The following DOT1L variants were observed in gnomAD, a reference collection of about 807,000 sequenced individuals.
The protein encoded by DOT1L is DOT1 like histone lysine methyltransferase.
DOT1L carries 33 observed loss-of-function variants against 153.3 expected under a neutral mutation model. The ratio of observed to expected loss-of-function variants is 0.22; its 90% CI spans 0.16 to 0.29. The LOEUF is 0.29. DOT1L is among the 10% of genes least tolerant of loss of function. The pLI, the probability that DOT1L is intolerant of heterozygous loss-of-function variation, is 1.00. For missense variants in DOT1L, 1,847 were observed against 2,119.9 expected (o/e 0.87, Z 2.53); for synonymous variants, 1,135 against 965.1 (o/e 1.18, Z -3.26).
intron 7 of DOT1L, among the ~76,000 whole-genome samples, chr19:2,199,060 C>T (rs780561489): frequency 6.6e-6 from 1 of 152,208 alleles, no homozygotes; most frequent in Non-Finnish European, 1.5e-5. Context: ...GTTTTTATTT[C>T]TCCTGGGAAT....
chr19:2,227,747 C>T (rs985568826), intron 27 of DOT1L: 18 of 1,317,494 alleles, frequency 1.4e-5, no homozygotes, highest in Admixed American at 1.1e-4. Flanking sequence ...GTGTCTTTAA[C>T]CACGCGGTGC....
At chr19:2,192,924 C>T (rs1176215003) in intron 5 of DOT1L, among the ~76,000 whole-genome samples, 1 of 152,128 alleles carries the variant, frequency 6.6e-6, no homozygotes, top group Admixed American at 6.5e-5. Context: ...GGGCCCTGGC[C>T]CCCCGTCCCT....
At chr19:2,180,347 G>A (rs1044071497) in intron 1 of DOT1L, among the ~76,000 whole-genome samples, 1 of 152,212 alleles carries the variant, frequency 6.6e-6, no homozygotes, top group East Asian at 1.9e-4. Flanking sequence ...GCTGTGTTGA[G>A]GGATCAACTG....
intron 1 of DOT1L, among the ~76,000 whole-genome samples, chr19:2,176,525 C>G (rs1158826253): frequency 2.0e-5 from 3 of 152,210 alleles, no homozygotes; most frequent in Admixed American, 2.0e-4. Flanking sequence ...GGGCAGGTGA[C>G]ACCGCTGTCA....
At position 2,207,181 on chromosome 19, in the gene DOT1L, C is replaced by CT. The variant is rs2023531732; in HGVS notation, c.856+385dup. Among the ~76,000 whole-genome samples, 1 of 152,246 alleles carries CT rather than the reference C, an allele frequency of 6.6e-6. No homozygotes were observed. The highest frequency in any genetic ancestry group is 2.1e-4 in the South Asian group (1 of 4,836). ...TGCCTGCCTTACTGTGCTGCGTGCTCTGTCAGCTCCCAGCCTTGCGGGGCA... is the reference window on the plus strand; with the variant it reads ...TGCCTGCCTTACTGTGCTGCGTGCTCTTGTCAGCTCCCAGCCTTGCGGGGCA... On this transcript the variant is annotated intron_variant, in intron 10 of 27. Coordinates refer to ENST00000398665, the MANE Select transcript of DOT1L (RefSeq NM_032482.3). The surrounding 1 kb of genome is among the most constrained non-coding windows in gnomAD (Gnocchi z 4.5).
At chr19:2,218,292 C>T (rs768440997) in intron 22 of DOT1L, among the ~76,000 whole-genome samples, 2 of 152,326 alleles carry the variant, frequency 1.3e-5, no homozygotes, top group South Asian at 2.1e-4. Context: ...CAGAGAATCT[C>T]GTCTTGTGTA....
At chr19:2,179,487 A>T (rs933758757) in intron 1 of DOT1L, among the ~76,000 whole-genome samples, 23 of 151,808 alleles carry the variant, frequency 1.5e-4, no homozygotes, top group Non-Finnish European at 2.7e-4. Flanking sequence ...TTGGGGATTT[A>T]AAAAAAAATT....
rs2022421231 is a variant in DOT1L at position 2,184,932 on chromosome 19, C to T, written c.126-923C>T. 7.9e-5 allele frequency among the ~76,000 whole-genome samples: 12 copies of T among 152,166 alleles called. 1 individual carries two copies. The highest frequency in any genetic ancestry group is 7.2e-4 in the Admixed American group (11 of 15,282). ...GGGATGTTGGTCAGCTGTTGCCTTTCTTGTCCTTTCTTTCCAGCCCTTTGC... is the reference window on the plus strand; with the variant it reads ...GGGATGTTGGTCAGCTGTTGCCTTTTTTGTCCTTTCTTTCCAGCCCTTTGC... On this transcript the variant is annotated intron_variant, in intron 2 of 27. Coordinates refer to ENST00000398665, the MANE Select transcript of DOT1L (RefSeq NM_032482.3).
intron 6 of DOT1L, 36 bp from the exon 7 acceptor site, chr19:2,194,479 G>A (rs2022932808): frequency 6.2e-7 from 1 of 1,613,558 alleles, no homozygotes; most frequent in Non-Finnish European, 8.5e-7. Context: ...CTTGCCCTGA[G>A]AGTTTGTAAC....
At chr19:2,221,898 A>AG in intron 23 of DOT1L, 78 bp from the exon 24 acceptor site, 1 of 1,395,590 alleles carries the variant, frequency 7.2e-7, no homozygotes, top group Non-Finnish European at 9.6e-7. Context: ...CAGAGCTCCT[A>AG]GGGGGTGGTG....
At chr19:2,227,629 G>A (rs1353221964) in intron 27 of DOT1L, 22 of 1,189,938 alleles carry the variant, frequency 1.8e-5, no homozygotes, top group Non-Finnish European at 2.3e-5. Context: ...GCCCGCACAC[G>A]CCTGGCGGCG....
In DOT1L at chr19:2,230,233, C is replaced by T. The variant is rs548102399; in HGVS notation, c.*441C>T. 3 of 414,620 alleles carry T rather than the reference C, an allele frequency of 7.2e-6. No homozygotes were observed. The highest frequency in any genetic ancestry group is 4.1e-5 in the African/African-American group (2 of 48,804). The allele number at this position is 414,620 out of a possible 1,614,324, so 25.7% of individuals were successfully genotyped here. A position where few individuals can be genotyped will look rare whatever the true frequency, so the allele number is the denominator to read the frequency against. ...GACTAGACGCTGACAACGCCGAACCCCGTTCTCGGAAACGCCGCCCGGCCG... is the reference window on the plus strand; with the variant it reads ...GACTAGACGCTGACAACGCCGAACCTCGTTCTCGGAAACGCCGCCCGGCCG... On this transcript the variant is annotated 3_prime_UTR_variant, in exon 28 of 28. Coordinates refer to ENST00000398665, the MANE Select transcript of DOT1L (RefSeq NM_032482.3).
chr19:2,228,090 C>A, intron 27 of DOT1L: 2 of 1,344,874 alleles, frequency 1.5e-6, no homozygotes, highest in Non-Finnish European at 2.0e-6. Context: ...CCCGCCTAAC[C>A]AAGCTTTCTT....
chr19:2,206,305 G>A (rs1402973230), intron 9 of DOT1L, among the ~76,000 whole-genome samples: 1 of 152,040 alleles, frequency 6.6e-6, no homozygotes, highest in African/African-American at 2.4e-5. Context: ...TTTTAAAGAA[G>A]CATTATTTGT....
chr19:2,227,306 C>A lies in DOT1L; in HGVS notation c.4606+179C>A, dbSNP rs541345424. Reference sequence around the variant, plus strand: ...TCCAGTCCTGTGGGGAGAGGGCTCACGCTGAGTCCGTGTGTCTTGGGTTCT... The same window carrying A: ...TCCAGTCCTGTGGGGAGAGGGCTCAAGCTGAGTCCGTGTGTCTTGGGTTCT... On this transcript the variant is annotated intron_variant, in intron 27 of 27. Transcript: ENST00000398665. 64 of 833,488 alleles carry A rather than the reference C, an allele frequency of 7.7e-5. 1 individual carries two copies. The highest frequency in any genetic ancestry group is 6.7e-4 in the African/African-American group (40 of 59,748). 51.6% of individuals were successfully genotyped at this position (833,488 alleles called of 1,614,324 possible). A position where few individuals can be genotyped will look rare whatever the true frequency, so the allele number is the denominator to read the frequency against.
At chr19:2,170,287 A>G (rs2020075441) in intron 1 of DOT1L, among the ~76,000 whole-genome samples, 1 of 152,178 alleles carries the variant, frequency 6.6e-6, no homozygotes, top group African/African-American at 2.4e-5. Context: ...ATGCCTTTCC[A>G]CGCTTGCCCC....
Position 2,207,796 on chromosome 19 carries a change from A to G in DOT1L, c.963+116A>G, listed in dbSNP as rs1009299704. 1.0e-4 allele frequency: 99 copies of G among 951,970 alleles called. 1 individual carries two copies. The highest frequency in any genetic ancestry group is 6.0e-4 in the South Asian group (36 of 60,136). 59.0% of individuals were successfully genotyped at this position (951,970 alleles called of 1,614,324 possible). A position where few individuals can be genotyped will look rare whatever the true frequency, so the allele number is the denominator to read the frequency against. On this transcript the variant is annotated intron_variant, in intron 11 of 27. Transcript: ENST00000398665. This position sits in a 1 kb window ranked among gnomAD's most constrained non-coding sequence, Gnocchi z 4.5. ...TGAGACCCTCCCCTCAGAGCCCTCAACGCCCCCCGGCCCCTGAGCTCAGGC... is the reference window on the plus strand; with the variant it reads ...TGAGACCCTCCCCTCAGAGCCCTCAGCGCCCCCCGGCCCCTGAGCTCAGGC...
At chr19:2,206,252 C>T (rs2023486013) in intron 9 of DOT1L, among the ~76,000 whole-genome samples, 1 of 152,142 alleles carries the variant, frequency 6.6e-6, no homozygotes, top group South Asian at 2.1e-4. Context: ...TCCCAAAGTG[C>T]TGGGATTACA....
Position 2,230,805 on chromosome 19 carries a change from C to T in DOT1L, c.*1013C>T. The stretch of plus-strand genomic sequence containing the variant: ...AATGGCCCCAGCGTCAGCCCCGACC[C>T]TAGACCCCTCAGTTGCAGCTCCCAG... On this transcript the variant is annotated 3_prime_UTR_variant, in exon 28 of 28. Transcript: ENST00000398665. 3 of 382,616 alleles carry T rather than the reference C, an allele frequency of 7.8e-6. No homozygotes were observed. Among genetic ancestry groups the T allele is most frequent in the Non-Finnish European group, 1.4e-5 (3 of 216,234 alleles). The allele number at this position is 382,616 out of a possible 1,614,324, so 23.7% of individuals were successfully genotyped here.
Sources: allele counts gnomAD v4.1 joint callset (sites outside exome capture counted in the v4.1 genomes callset), GRCh38; gene constraint gnomAD v4.1.1; non-coding constraint Gnocchi (gnomAD v3.1); transcripts MANE v1.5; gene names NCBI Gene and HGNC (gene_info 2026-07-23, HGNC 2026-07-21).